The following KDM2B variants were observed in gnomAD, a reference collection of about 807,000 sequenced individuals.
KDM2B encodes lysine demethylase 2B, also known as lysine-specific demethylase 2B.
In KDM2B, 26 loss-of-function variants were observed where a neutral mutation model predicts 150.0. The observed-to-expected ratio is 0.17, with a 90% CI of 0.13 to 0.24. KDM2B has a LOEUF of 0.24. Among genes scored for constraint, KDM2B ranks in the 10% least tolerant of loss-of-function variants. KDM2B has a pLI of 1.00. For synonymous variants in KDM2B, 734 were observed against 729.5 expected (o/e 1.01, Z -0.10); for missense variants, 1,265 against 1,816.9 (o/e 0.70, Z 5.52).
At position 121,575,994 on chromosome 12, in the gene KDM2B, G is replaced by A; in HGVS notation, c.272-135C>T. The A allele has an allele frequency of 1.5e-6, 1 of 658,912 alleles. No individual in the cohort carries two copies. The highest frequency in any genetic ancestry group is 2.7e-6 in the Non-Finnish European group (1 of 366,398). 40.8% of individuals were successfully genotyped at this position (658,912 alleles called of 1,614,324 possible). A position where few individuals can be genotyped will look rare whatever the true frequency, so the allele number is the denominator to read the frequency against. ...AGGAGATGCAGGCACCAGCTGTACA[G>A]CAAAAGCTCCTTGGAAAATGATCGG... is the stretch of plus-strand genomic sequence containing the variant. On this transcript the variant is annotated intron_variant, in intron 2 of 22. Coordinates refer to ENST00000377071, the MANE Select transcript of KDM2B (RefSeq NM_032590.5). The surrounding 1 kb of genome is among the most constrained non-coding windows in gnomAD (Gnocchi z 4.4).
intron 12 of KDM2B, among the ~76,000 whole-genome samples, chr12:121,492,857 A>G (rs1414820684): frequency 6.6e-6 from 1 of 151,442 alleles, no homozygotes; most frequent in African/African-American, 2.4e-5. Flanking sequence ...AAAGAAAAAG[A>G]AAAGTGTTTG....
rs782392982 is a variant in KDM2B at position 121,442,301 on chromosome 12, G to C, written c.3140C>G (p.Pro1047Arg). The part of the protein sequence containing the change: ...QMERHVIRPP[P>R]ISPPPDSLPL... ...TAGCGAGTCAGGCGGGGGGCTGATG[G>C]GGGGTGGCCGGATCACATGGCGCTC... Residue 1047 changes from proline (P) to arginine (R), a missense_variant, in exon 19 of 23, where the codon CCC becomes CGC. Around this residue, in one of 11 missense-constraint regions of KDM2B, gnomAD observed 251 missense variants for 397.8 expected, o/e 0.63. Transcript: ENST00000377071. This position sits in a 1 kb window ranked among gnomAD's most constrained non-coding sequence, Gnocchi z 7.7. The C allele has an allele frequency of 3.1e-6, 5 of 1,610,338 alleles. No individual in the cohort carries two copies. In the Admixed American group the frequency reaches 6.7e-5, roughly 22 times the overall value.
intron 12 of KDM2B, among the ~76,000 whole-genome samples, chr12:121,477,586 T>C (rs1433196025): frequency 1.5e-4 from 22 of 149,970 alleles, no homozygotes; most frequent in Non-Finnish European, 3.3e-4. Flanking sequence ...TTCCTTTTTT[T>C]TTTTTTTGGA....
downstream of KDM2B, among the ~76,000 whole-genome samples, chr12:121,428,167 A>G (rs1171617745): frequency 4.6e-5 from 7 of 152,116 alleles, no homozygotes; most frequent in Non-Finnish European, 8.8e-5. Flanking sequence ...GTGGATTTAA[A>G]TTAACAGGAG....
rs1459325612 is a variant in KDM2B at position 121,467,004 on chromosome 12, T to TCGGGCC, written c.1735-13666_1735-13661dup. ...CCTGCCGCGCTCCTCTACGCCCCGCTCGGGCCCGGCCCCGGCCGCCCCGCC... is the reference window on the plus strand; with the variant it reads ...CCTGCCGCGCTCCTCTACGCCCCGCTCGGGCCCGGGCCCGGCCCCGGCCGCCCCGCC... On this transcript the variant is annotated intron_variant, in intron 12 of 22. Transcript: ENST00000377071. This position sits in a 1 kb window ranked among gnomAD's most constrained non-coding sequence, Gnocchi z 5.1. 6.8e-6 allele frequency among the ~76,000 whole-genome samples: 1 copy of TCGGGCC among 147,702 alleles called. No homozygotes were observed. Among genetic ancestry groups the TCGGGCC allele is most frequent in the Non-Finnish European group, 1.5e-5 (1 of 66,564 alleles).
intron 4 of KDM2B, among the ~76,000 whole-genome samples, chr12:121,564,812 C>CA (rs143194679): frequency 6.7e-6 from 1 of 149,682 alleles, no homozygotes; most frequent in Non-Finnish European, 1.5e-5. Flanking sequence ...ACAAGGCAAT[C>CA]TTTTTTTTTT....
In KDM2B at chr12:121,440,743, G is replaced by C. The variant is rs536624829; in HGVS notation, c.3610+73C>G. 1.4e-3 allele frequency: 1,960 copies of C among 1,388,650 alleles called. 2 individuals are homozygous for C. Among genetic ancestry groups the C allele is most frequent in the Non-Finnish European group, 1.8e-3 (1,815 of 1,013,810 alleles). 86.0% of individuals were successfully genotyped at this position (1,388,650 alleles called of 1,614,324 possible). A position where few individuals can be genotyped will look rare whatever the true frequency, so the allele number is the denominator to read the frequency against. ...GTCCTTTGGGGAACAGCTGGGGTCT[G>C]AGGGTAAAAGCAGATCCAACAGTCT... On this transcript the variant is annotated intron_variant, in intron 21 of 22. Coordinates refer to ENST00000377071, the MANE Select transcript of KDM2B (RefSeq NM_032590.5).
chr12:121,432,263 C>T (rs7316497), intron 22 of KDM2B, among the ~76,000 whole-genome samples: 147,594 of 152,266 alleles, frequency 0.97, 71,581 homozygotes, highest in East Asian at 1. Context: ...TGACCCTCTT[C>T]ATAATCTTAC....
At chr12:121,516,606 A>C (rs1886218720) in intron 9 of KDM2B, 1 of 1,138,138 alleles carries the variant, frequency 8.8e-7, no homozygotes, top group African/African-American at 1.6e-5. Context: ...ACGTCAGTCC[A>C]AAACAAAAGG....
At chr12:121,484,804 C>A (rs956950981) in intron 12 of KDM2B, among the ~76,000 whole-genome samples, 1 of 152,002 alleles carries the variant, frequency 6.6e-6, no homozygotes, top group East Asian at 1.9e-4. Context: ...GGCAACAGAG[C>A]AAGACCCTGT....
rs1891717349 is a variant in KDM2B at position 121,578,867 on chromosome 12, C to T, written c.206G>A (p.Ser69Asn). The change falls in exon 2 of 23, where the codon AGC becomes AAC. Residue 69 changes from serine (S) to asparagine (N), a missense_variant. By Grantham distance (46) the Ser-to-Asn change is conservative. Coordinates refer to ENST00000377071, the MANE Select transcript of KDM2B (RefSeq NM_032590.5). Reference protein sequence around the residue: ...VEEIVSVRGFSLEEKLRSQLY... With the variant: ...VEEIVSVRGFNLEEKLRSQLY... ...CTGGCTGCGAAGCTTCTCCTCCAGG[C>T]TGAAGCCGCGGACGCTGACGATCTC... The T allele has an allele frequency of 6.2e-7, 1 of 1,612,520 alleles. No homozygotes were observed. The highest frequency in any genetic ancestry group is 1.1e-5 in the South Asian group (1 of 90,868).
At chr12:121,498,787 T>C (rs1884229515) in intron 11 of KDM2B, among the ~76,000 whole-genome samples, 1 of 152,140 alleles carries the variant, frequency 6.6e-6, no homozygotes, top group East Asian at 1.9e-4. Context: ...GTACTAGACA[T>C]AATTAACAAA....
Position 121,430,627 on chromosome 12 carries a change from CTCT to C in KDM2B, c.3830-161_3830-159del, listed in dbSNP as rs1872843145. The C allele has an allele frequency of 8.1e-6, 5 of 617,234 alleles. No homozygotes were observed. The highest frequency in any genetic ancestry group is 1.4e-5 in the Non-Finnish European group (5 of 347,738). The allele number at this position is 617,234 out of a possible 1,614,324, so 38.2% of individuals were successfully genotyped here. On this transcript the variant is annotated intron_variant, in intron 22 of 22. Coordinates refer to ENST00000377071, the MANE Select transcript of KDM2B (RefSeq NM_032590.5). The surrounding 1 kb of genome is among the most constrained non-coding windows in gnomAD (Gnocchi z 4.4). ...ATAAAATGTTATTTGCTTAAAATCT[CTCT>C]TCTTCAAACGGGGAAGGGTCTCACC...
chr12:121,568,866 T>TAAAA (rs56132369), intron 4 of KDM2B, among the ~76,000 whole-genome samples: 31 of 139,942 alleles, frequency 2.2e-4, no homozygotes, highest in Non-Finnish European at 4.0e-4. Flanking sequence ...GCTTTTTTGT[T>TAAAA]AAAAAAAAAA....
rs1351169238 is a variant in KDM2B at position 121,537,511 on chromosome 12, A to C, written c.684-2921T>G. On this transcript the variant is annotated intron_variant, in intron 6 of 22. Coordinates refer to ENST00000377071, the MANE Select transcript of KDM2B (RefSeq NM_032590.5). The surrounding 1 kb of genome is among the most constrained non-coding windows in gnomAD (Gnocchi z 8.7). ...GGCGGCAGATCATCGGGAGCCCCCG[A>C]ACCGAGCCCTTGGGGGTTCCCGCCT... 1 of 152,092 alleles carries C rather than the reference A, an allele frequency of 6.6e-6. No individual in the cohort carries two copies. Among genetic ancestry groups the C allele is most frequent in the East Asian group, 1.9e-4 (1 of 5,158 alleles). 9.4% of individuals were successfully genotyped at this position (152,092 alleles called of 1,614,324 possible). A position where few individuals can be genotyped will look rare whatever the true frequency, so the allele number is the denominator to read the frequency against.
At position 121,479,092 on chromosome 12, in the gene KDM2B, C is replaced by T. The variant is rs182952507; in HGVS notation, c.1734+15487G>A. 1.5e-3 allele frequency among the ~76,000 whole-genome samples: 231 copies of T among 152,038 alleles called. 1 individual carries two copies. The highest frequency in any genetic ancestry group is 5.4e-3 in the African/African-American group (223 of 41,476). On this transcript the variant is annotated intron_variant, in intron 12 of 22. Transcript: ENST00000377071. Reference sequence around the variant, plus strand: ...ATCTTTAAAATGGAAGTAATGAACTCCTATACCACAAGGAGGCGCTATAAA... The same window carrying T: ...ATCTTTAAAATGGAAGTAATGAACTTCTATACCACAAGGAGGCGCTATAAA...
chr12:121,464,199 C>T (rs988463274), intron 12 of KDM2B, among the ~76,000 whole-genome samples: 1 of 152,226 alleles, frequency 6.6e-6, no homozygotes, highest in East Asian at 1.9e-4. Context: ...TATCACTGTA[C>T]TCCAGCCTGC....
In KDM2B at chr12:121,536,751, A is replaced by G. The variant is rs1594077076; in HGVS notation, c.684-2161T>C. On this transcript the variant is annotated intron_variant, in intron 6 of 22. Coordinates refer to ENST00000377071, the MANE Select transcript of KDM2B (RefSeq NM_032590.5). ...ACAGTCTAGGGAAAACAATCTAAGTATGTGCGGGGCGGAGCCCAGAGAACG... is the reference window on the plus strand; with the variant it reads ...ACAGTCTAGGGAAAACAATCTAAGTGTGTGCGGGGCGGAGCCCAGAGAACG... 3.3e-5 allele frequency among the ~76,000 whole-genome samples: 5 copies of G among 150,856 alleles called. No homozygotes were observed. In the South Asian group the frequency reaches 1.0e-3, roughly 32 times the overall value.
chr12:121,579,661 A>G, intron 1 of KDM2B: 1 of 1,364,114 alleles, frequency 7.3e-7, no homozygotes, highest in Non-Finnish European at 9.6e-7. Flanking sequence ...TCACTTCCTA[A>G]GGAGACTCCC....
Sources: allele counts gnomAD v4.1 joint callset (sites outside exome capture counted in the v4.1 genomes callset), GRCh38; gene constraint gnomAD v4.1.1; regional missense constraint gnomAD v4.1.1; non-coding constraint Gnocchi (gnomAD v3.1); transcripts MANE v1.5; gene names NCBI Gene and HGNC (gene_info 2026-07-23, HGNC 2026-07-21).